The following PCDH15 variants were observed in gnomAD, a reference collection of about 807,000 sequenced individuals.
The protein encoded by PCDH15 is protocadherin-15.
PCDH15 carries 129 observed loss-of-function variants against 178.5 expected under a neutral mutation model. That is an observed-to-expected ratio of 0.72 (90% CI 0.63 to 0.84). The LOEUF (loss-of-function observed/expected upper bound fraction) is 0.84. Ranked by LOEUF, PCDH15 falls within the 40% of genes least tolerant of loss-of-function variation. The pLI, the probability that PCDH15 is intolerant of heterozygous loss-of-function variation, is 0.00. For missense variants in PCDH15, 2,230 were observed against 2,099.9 expected, an observed-to-expected ratio of 1.06 and a Z score of -1.21; for synonymous variants, 800 against 732.0, an observed-to-expected ratio of 1.09 and a Z score of -1.50.
At chr10:54,350,971 G>T (rs1944078748) in intron 5 of PCDH15, among the ~76,000 whole-genome samples, 1 of 152,128 alleles carries the variant, frequency 6.6e-6, no homozygotes, top group Admixed American at 6.6e-5. Context: ...AGGCATGGTG[G>T]TGCACACCTG....
At chr10:54,735,697 T>C (rs112066148) in intron 1 of PCDH15, among the ~76,000 whole-genome samples, 27,265 of 113,166 alleles carry the variant, frequency 0.24, 3,621 homozygotes, top group East Asian at 0.34. Context: ...TAAAAAATGA[T>C]GAGTTCATGT....
intron 1 of PCDH15, among the ~76,000 whole-genome samples, chr10:54,691,236 C>T (rs913956761): frequency 2.6e-5 from 4 of 152,068 alleles, no homozygotes; most frequent in Admixed American, 6.6e-5. Flanking sequence ...GAGCAGCCTA[C>T]ACATAATTTG....
At chr10:54,791,629 C>T (rs1951418722) in intron 1 of PCDH15, among the ~76,000 whole-genome samples, 1 of 151,922 alleles carries the variant, frequency 6.6e-6, no homozygotes, top group Non-Finnish European at 1.5e-5. Flanking sequence ...TAAGCTCATG[C>T]TAATCTTCCC....
intron 2 of PCDH15, among the ~76,000 whole-genome samples, chr10:55,114,227 A>C (rs1837577004): frequency 6.6e-6 from 1 of 152,192 alleles, no homozygotes. Context: ...CTGAGATTAC[A>C]TGAGTGAACC....
intron 1 of PCDH15, among the ~76,000 whole-genome samples, chr10:55,229,244 G>GA (rs988063011): frequency 2.3e-4 from 34 of 150,988 alleles, no homozygotes; most frequent in Non-Finnish European, 2.7e-4. Context: ...GGTATTATTT[G>GA]AAAAAAAATG....
At chr10:54,253,267 C>T (rs149604594) in intron 8 of PCDH15, among the ~76,000 whole-genome samples, 23 of 151,944 alleles carry the variant, frequency 1.5e-4, no homozygotes, top group Non-Finnish European at 2.1e-4. Context: ...TCAATATAGG[C>T]GAGAATATTA....
At chr10:54,537,320 A>G (rs989547870) in intron 2 of PCDH15, among the ~76,000 whole-genome samples, 4 of 152,114 alleles carry the variant, frequency 2.6e-5, no homozygotes, top group Non-Finnish European at 4.4e-5. Context: ...TCTTTTAGAT[A>G]TATAACCAGT....
chr10:54,311,262 A>G (rs2060886436), intron 8 of PCDH15, among the ~76,000 whole-genome samples: 1 of 152,106 alleles, frequency 6.6e-6, no homozygotes, highest in African/African-American at 2.4e-5. Flanking sequence ...TACACAGTAA[A>G]CGCATAGAAA....
At chr10:54,263,584 T>C (rs2057474764) in intron 8 of PCDH15, among the ~76,000 whole-genome samples, 1 of 152,120 alleles carries the variant, frequency 6.6e-6, no homozygotes, top group South Asian at 2.1e-4. Context: ...TAAAAATACA[T>C]TGCTAAAACA....
In PCDH15 at chr10:53,887,719, C is replaced by A. The variant is rs531692978; in HGVS notation, c.3501+15524G>T. Among the ~76,000 whole-genome samples, 17 of 152,186 alleles carry A rather than the reference C, an allele frequency of 1.1e-4. 1 individual carries two copies. The South Asian group carries it at 3.5e-3, about 32-fold the overall frequency. ...CTGACTAACACGGGTGAAACCCCGTCTCTACTAAAAATACGAAAAATTAGC... is the reference window on the plus strand; with the variant it reads ...CTGACTAACACGGGTGAAACCCCGTATCTACTAAAAATACGAAAAATTAGC... On this transcript the variant is annotated intron_variant, in intron 26 of 37. Coordinates refer to ENST00000644397, the MANE Select transcript of PCDH15 (RefSeq NM_001384140.1).
intron 1 of PCDH15, among the ~76,000 whole-genome samples, chr10:55,228,293 C>A (rs1201032477): frequency 6.6e-6 from 1 of 151,698 alleles, no homozygotes; most frequent in Admixed American, 6.6e-5. Flanking sequence ...AAAGTCCATA[C>A]GTCAAGTGTT....
chr10:54,118,777 T>TA (rs1246839656), intron 15 of PCDH15, among the ~76,000 whole-genome samples: 2 of 118,218 alleles, frequency 1.7e-5, no homozygotes, highest in Non-Finnish European at 3.3e-5. Context: ...GTTTTATTTT[T>TA]ATTTTTTTTT....
Position 54,712,847 on chromosome 10 carries a change from T to C in PCDH15, c.-28-48557A>G, listed in dbSNP as rs563467481. Among the ~76,000 whole-genome samples the C allele has an allele frequency of 2.6e-5, 4 of 152,170 alleles. No homozygotes were observed. In the South Asian group the frequency reaches 8.3e-4, roughly 32 times the overall value. ...TTCATGTCCTAAATTTTAATTATCATAATAATTTTAAACAGATGGATAGTT... is the reference window on the plus strand; with the variant it reads ...TTCATGTCCTAAATTTTAATTATCACAATAATTTTAAACAGATGGATAGTT... On this transcript the variant is annotated intron_variant, in intron 1 of 37. Coordinates refer to ENST00000644397, the MANE Select transcript of PCDH15 (RefSeq NM_001384140.1).
intron 1 of PCDH15, among the ~76,000 whole-genome samples, chr10:54,738,287 G>T (rs1944371387): frequency 6.6e-6 from 1 of 152,062 alleles, no homozygotes; most frequent in Non-Finnish European, 1.5e-5. Flanking sequence ...ATTGAGAATA[G>T]ATTATAATGG....
At chr10:54,973,352 T>C (rs1838984592) in intron 2 of PCDH15, among the ~76,000 whole-genome samples, 1 of 152,314 alleles carries the variant, frequency 6.6e-6, no homozygotes, top group Non-Finnish European at 1.5e-5. Context: ...TCAAATTAAT[T>C]CCTTATATAT....
intron 2 of PCDH15, among the ~76,000 whole-genome samples, chr10:54,922,492 A>G (rs1046242161): frequency 6.6e-6 from 1 of 152,036 alleles, no homozygotes; most frequent in African/African-American, 2.4e-5. Context: ...GCCTTGTCTC[A>G]GATAAGATTT....
rs563804518 is a variant in PCDH15 at position 55,406,022 on chromosome 10, T to C, written c.-156+221603A>G. On this transcript the variant is annotated intron_variant, in intron 2 of 5. Coordinates refer to the PCDH15 transcript ENST00000613346. ...AGCAAAGATTTGAAGGAAGTGATGA[T>C]AGATTTTTAGTCATGTGGCTATCTA... Among the ~76,000 whole-genome samples, 60 of 150,498 alleles carry C rather than the reference T, an allele frequency of 4.0e-4. 1 individual carries two copies. Among genetic ancestry groups the C allele is most frequent in the Non-Finnish European group, 6.0e-4 (41 of 67,816 alleles).
chr10:55,387,026 AATAG>A (rs1352826136), intron 2 of PCDH15, among the ~76,000 whole-genome samples: 1 of 152,166 alleles, frequency 6.6e-6, no homozygotes, highest in African/African-American at 2.4e-5. Context: ...TGTAAAATAG[AATAG>A]ATAAATTATA....
In PCDH15 at chr10:55,220,365, T is replaced by A. The variant is rs80141618; in HGVS notation, c.-155-53714A>T. ...TTAATTTTATGGCACGATACAGGAATCTAACTTGTCATTTAAAAAATAGCT... is the reference window on the plus strand; with the variant it reads ...TTAATTTTATGGCACGATACAGGAAACTAACTTGTCATTTAAAAAATAGCT... On this transcript the variant is annotated intron_variant, in intron 1 of 5. Coordinates refer to the PCDH15 transcript ENST00000458638. Among the ~76,000 whole-genome samples the A allele has an allele frequency of 0.014, 2,156 of 152,160 alleles. 105 individuals are homozygous for A. In the East Asian group the frequency reaches 0.15, roughly 10 times the overall value.
Sources: allele counts gnomAD v4.1 joint callset (sites outside exome capture counted in the v4.1 genomes callset), GRCh38; gene constraint gnomAD v4.1.1; transcripts MANE v1.5; gene names NCBI Gene and HGNC (gene_info 2026-07-23, HGNC 2026-07-21).